Variants in ANO3 observed in about 807,000 individuals in gnomAD.
ANO3 encodes anoctamin 3, also known as anoctamin-3.
Under a neutral mutation model 144.8 loss-of-function variants are expected in ANO3, and 99 were observed. That is an observed-to-expected ratio of 0.68 (90% confidence interval 0.58 to 0.81). The LOEUF (loss-of-function observed/expected upper bound fraction) is 0.81, where lower values mean the gene tolerates loss of function less well. Ranked by LOEUF, ANO3 falls within the 30% of genes least tolerant of loss-of-function variation. The pLI is 0.00. For missense variants in ANO3, 905 were observed against 1,202.2 expected (o/e 0.75, Z 3.66); for synonymous variants, 414 against 392.6 (o/e 1.05, Z -0.64).
intron 7 of ANO3, among the ~76,000 whole-genome samples, chr11:26,527,708 C>T (rs1849201202): frequency 6.6e-6 from 1 of 152,148 alleles, no homozygotes; most frequent in Non-Finnish European, 1.5e-5. Context: ...TTTTGAGGAT[C>T]ATCCCTTCTC....
intron 1 of ANO3, among the ~76,000 whole-genome samples, chr11:26,229,134 A>G (rs1852330342): frequency 6.6e-6 from 1 of 152,030 alleles, no homozygotes. Flanking sequence ...GCTCTACTAT[A>G]TTGGTAGAAA....
intron 1 of ANO3, among the ~76,000 whole-genome samples, chr11:26,378,401 T>C (rs1856475413): frequency 8.9e-6 from 1 of 112,242 alleles, no homozygotes; most frequent in South Asian, 3.4e-4. Context: ...CTATATATTA[T>C]CTATCTATAT....
intron 11 of ANO3, among the ~76,000 whole-genome samples, chr11:26,543,004 A>C (rs1299236079): frequency 6.6e-6 from 1 of 152,122 alleles, no homozygotes; most frequent in Admixed American, 6.6e-5. Flanking sequence ...TAATAAAAGA[A>C]CTATATACAG....
intron 1 of ANO3, among the ~76,000 whole-genome samples, chr11:26,216,645 T>C (rs1278222726): frequency 6.6e-6 from 1 of 152,002 alleles, no homozygotes; most frequent in Non-Finnish European, 1.5e-5. Context: ...AAATCATGAT[T>C]ACTAGATTGT....
intron 23 of ANO3, among the ~76,000 whole-genome samples, 181 bp downstream of exon 23, chr11:26,643,515 G>A (rs1347448415): frequency 6.6e-6 from 1 of 152,126 alleles, no homozygotes; most frequent in Non-Finnish European, 1.5e-5. Context: ...CAGCATTTTG[G>A]GAGGCTGAGG....
chr11:26,499,050 T>G (rs1056143528), intron 4 of ANO3, among the ~76,000 whole-genome samples: 1 of 151,940 alleles, frequency 6.6e-6, no homozygotes, highest in Admixed American at 6.6e-5. Flanking sequence ...ATGGACTATT[T>G]TATTTGTTTT....
chr11:26,661,967 A>G lies in ANO3; in HGVS notation c.*1523A>G, dbSNP rs1455317471. 6.6e-6 allele frequency: 1 copy of G among 152,102 alleles called. No homozygotes were observed. Among genetic ancestry groups the G allele is most frequent in the Non-Finnish European group, 1.5e-5 (1 of 67,992 alleles). The allele number at this position is 152,102 out of a possible 1,614,324, so 9.4% of individuals were successfully genotyped here. A position where few individuals can be genotyped will look rare whatever the true frequency, so the allele number is the denominator to read the frequency against. ...TACTATGATTGTTATTATTTGTCCA[A>G]TCAAGCAAAGCACCATTATTTCTAA... On this transcript the variant is annotated 3_prime_UTR_variant, in exon 27 of 27. Coordinates refer to ENST00000256737, the MANE Select transcript of ANO3 (RefSeq NM_031418.4).
At chr11:26,203,748 A>G (rs78480057) in intron 1 of ANO3, among the ~76,000 whole-genome samples, 2,144 of 152,202 alleles carry the variant, frequency 0.014, 39 homozygotes, top group East Asian at 0.1. Flanking sequence ...TCTTGCATCT[A>G]CTGTTTGTCA....
intron 1 of ANO3, among the ~76,000 whole-genome samples, chr11:26,258,432 G>A (rs543020624): frequency 7.9e-5 from 12 of 152,226 alleles, no homozygotes; most frequent in Middle Eastern, 3.4e-3. Context: ...AGCTATGAGC[G>A]AGAATACTTA....
intron 1 of ANO3, among the ~76,000 whole-genome samples, chr11:26,273,475 T>G (rs11605434): frequency 0.059 from 8,938 of 152,168 alleles, 361 homozygotes; most frequent in Non-Finnish European, 0.087. Context: ...GATTACACTA[T>G]TGAGCTGTCA....
intron 1 of ANO3, among the ~76,000 whole-genome samples, chr11:26,266,077 A>T (rs563322220): frequency 3.3e-5 from 5 of 152,314 alleles, no homozygotes; most frequent in Middle Eastern, 3.4e-3. Flanking sequence ...AATGAAATTC[A>T]TTACCCAATA....
At chr11:26,622,513 G>T (rs1033719672) in intron 17 of ANO3, among the ~76,000 whole-genome samples, 5 of 152,114 alleles carry the variant, frequency 3.3e-5, no homozygotes, top group Admixed American at 1.3e-4. Context: ...AGCTGAGGTG[G>T]GAGGATTACC....
intron 1 of ANO3, among the ~76,000 whole-genome samples, chr11:26,239,612 A>G (rs988166708): frequency 6.6e-6 from 1 of 151,914 alleles, no homozygotes; most frequent in African/African-American, 2.4e-5. Context: ...CCCTTATATC[A>G]CCCATAGCAC....
chr11:26,433,984 T>A (rs11500182), intron 1 of ANO3, among the ~76,000 whole-genome samples: 1 of 152,072 alleles, frequency 6.6e-6, no homozygotes, highest in Non-Finnish European at 1.5e-5. Flanking sequence ...TCAGCTCTTC[T>A]TTATCCATCT....
chr11:26,363,187 T>C (rs1320605142), intron 1 of ANO3, among the ~76,000 whole-genome samples: 1 of 152,176 alleles, frequency 6.6e-6, no homozygotes, highest in Non-Finnish European at 1.5e-5. Flanking sequence ...AGAGATTAAA[T>C]ACCTTCCCAT....
At chr11:26,227,633 T>C (rs1852283166) in intron 1 of ANO3, among the ~76,000 whole-genome samples, 2 of 152,330 alleles carry the variant, frequency 1.3e-5, no homozygotes, top group South Asian at 4.1e-4. Flanking sequence ...TTATTCATTC[T>C]GAACTACATA....
At chr11:26,391,654 T>C (rs1284154741) in intron 1 of ANO3, among the ~76,000 whole-genome samples, 1 of 152,126 alleles carries the variant, frequency 6.6e-6, no homozygotes, top group Non-Finnish European at 1.5e-5. Context: ...TTCTGCAATC[T>C]CTGTGGATCT....
At chr11:26,417,308 G>A (rs999184614) in intron 1 of ANO3, among the ~76,000 whole-genome samples, 2 of 152,078 alleles carry the variant, frequency 1.3e-5, no homozygotes, top group East Asian at 3.9e-4. Context: ...GAGGTGAATG[G>A]ATAAACTGCG....
At chr11:26,271,737 G>A (rs1005155913) in intron 1 of ANO3, among the ~76,000 whole-genome samples, 36 of 151,520 alleles carry the variant, frequency 2.4e-4, no homozygotes, top group East Asian at 1.9e-4. Context: ...CAATTTTATC[G>A]TGTTTTTCTT....
Sources: gnomAD v4.1 joint callset for allele counts (sites outside exome capture counted in the v4.1 genomes callset) on GRCh38, gnomAD v4.1.1 for gene constraint, MANE v1.5 for transcripts, NCBI Gene and HGNC (gene_info 2026-07-23, HGNC 2026-07-21) for gene names.